The following VEPH1 variants were observed in gnomAD, a reference collection of about 807,000 sequenced individuals.
The protein encoded by VEPH1 is ventricular zone-expressed PH domain-containing protein homolog 1.
A neutral mutation model predicts 85.2 loss-of-function variants in VEPH1; 80 were observed. The observed-to-expected ratio is 0.94, with a 90% CI of 0.78 to 1.13. The LOEUF is 1.13. Among genes scored for constraint, VEPH1 ranks in the 50% most tolerant of loss-of-function variants. VEPH1 has a pLI of 0.00. For synonymous variants in VEPH1, 297 were observed against 348.0 expected, an observed-to-expected ratio of 0.85 and a Z score of 1.63; for missense variants, 955 against 980.5, an observed-to-expected ratio of 0.97 and a Z score of 0.35.
chr3:157,336,477 G>A (rs746773868), intron 9 of VEPH1, among the ~76,000 whole-genome samples: 3 of 152,154 alleles, frequency 2.0e-5, no homozygotes, highest in African/African-American at 2.4e-5. Flanking sequence ...ACTGCTTACC[G>A]CTAGTTCAGT....
chr3:157,467,110 AGTGTGTGTGTGTGTAT>A (rs1031117131), intron 3 of VEPH1, among the ~76,000 whole-genome samples: 6 of 113,950 alleles, frequency 5.3e-5, no homozygotes, highest in Non-Finnish European at 8.9e-5. Context: ...CAAAAAGAAA[AGTGTGTGTGTGTGTAT>A]GTGTGTGTGT....
At chr3:157,355,291 G>A (rs1429488259) in intron 9 of VEPH1, among the ~76,000 whole-genome samples, 1 of 152,236 alleles carries the variant, frequency 6.6e-6, no homozygotes, top group African/African-American at 2.4e-5. Flanking sequence ...GCCTACAGCA[G>A]CGTGCCTGGT....
At chr3:157,453,735 A>G (rs1448030632) in intron 4 of VEPH1, among the ~76,000 whole-genome samples, 2 of 152,184 alleles carry the variant, frequency 1.3e-5, no homozygotes, top group Non-Finnish European at 2.9e-5. Context: ...AAAACTTACT[A>G]ATCAGAGAGA....
rs572143901 is a variant in VEPH1, at chr3:157,462,237, C to A, written c.355-1882G>T. On this transcript the variant is annotated intron_variant, in intron 3 of 13. Transcript: ENST00000362010. Reference sequence around the variant, plus strand: ...TCAATTTCATTAATTTTTAATTTTGCTCTGGGTTCTGATTACAGGGTTGTA... The same window carrying A: ...TCAATTTCATTAATTTTTAATTTTGATCTGGGTTCTGATTACAGGGTTGTA... 1.1e-4 allele frequency among the ~76,000 whole-genome samples: 16 copies of A among 151,926 alleles called. 2 individuals are homozygous for A. In the South Asian group the frequency reaches 3.1e-3, roughly 30 times the overall value.
At chr3:157,363,060 C>G (rs1396108587) in intron 9 of VEPH1, among the ~76,000 whole-genome samples, 1 of 152,060 alleles carries the variant, frequency 6.6e-6, no homozygotes, top group East Asian at 1.9e-4. Context: ...GGTCACAGAC[C>G]TCTTTCCAGG....
intron 4 of VEPH1, among the ~76,000 whole-genome samples, chr3:157,437,299 C>A (rs1733675912): frequency 6.6e-6 from 1 of 152,120 alleles, no homozygotes; most frequent in African/African-American, 2.4e-5. Context: ...ACATAACCGG[C>A]GATTTCATAG....
chr3:157,473,792 G>T (rs1050692142), intron 2 of VEPH1, among the ~76,000 whole-genome samples: 1 of 152,020 alleles, frequency 6.6e-6, no homozygotes, highest in Non-Finnish European at 1.5e-5. Context: ...TATTAAAGAG[G>T]TATCAGTCTA....
At position 157,460,257 on chromosome 3, in the gene VEPH1, G is replaced by A. The variant is rs138491831; in HGVS notation, c.453C>T (p.Tyr151=). The change falls in exon 4 of 14, where the codon TAC becomes TAT. Residue 151 remains tyrosine (Y), a synonymous_variant. Transcript: ENST00000362010. The stretch of plus-strand genomic sequence containing the variant: ...CCTTGGTAATTGCAGCCAGAGACAG[G>A]TAGTTAGACATATTCCTGCACAGTT... ...NKELCRNMSN[Y]LSLAAITKAD... is the part of the protein sequence containing the mutation. The A allele has an allele frequency of 5.1e-4, 820 of 1,614,170 alleles. No homozygotes were observed. The highest frequency in any genetic ancestry group is 6.2e-4 in the Non-Finnish European group (737 of 1,180,022).
intron 2 of VEPH1, among the ~76,000 whole-genome samples, chr3:157,476,963 G>T (rs1473806034): frequency 6.6e-6 from 1 of 152,214 alleles, no homozygotes; most frequent in Non-Finnish European, 1.5e-5. Context: ...AAGCAACTTA[G>T]ATTAATAGAG....
chr3:157,303,962 C>G (rs921621428), intron 11 of VEPH1, among the ~76,000 whole-genome samples: 1 of 147,052 alleles, frequency 6.8e-6, no homozygotes, highest in African/African-American at 2.5e-5. Context: ...GGAGACTGAC[C>G]TTCCACAGCA....
intron 2 of VEPH1, among the ~76,000 whole-genome samples, chr3:157,476,836 T>A (rs1649928896): frequency 6.6e-6 from 1 of 152,198 alleles, no homozygotes; most frequent in Non-Finnish European, 1.5e-5. Context: ...TATCTCTTGG[T>A]ACTCCCTTGC....
intron 3 of VEPH1, among the ~76,000 whole-genome samples, chr3:157,463,878 G>A (rs1736118747): frequency 6.6e-6 from 1 of 152,096 alleles, no homozygotes; most frequent in East Asian, 1.9e-4. Context: ...AGATCCTGAG[G>A]GATATTTCAG....
chr3:157,487,971 AAG>A (rs1162487265), intron 2 of VEPH1, among the ~76,000 whole-genome samples: 1 of 152,182 alleles, frequency 6.6e-6, no homozygotes, highest in Non-Finnish European at 1.5e-5. Context: ...TTTAAATAAA[AAG>A]AGAGAAGGAT....
At chr3:157,354,329 A>C (rs1222206176) in intron 9 of VEPH1, among the ~76,000 whole-genome samples, 1 of 152,060 alleles carries the variant, frequency 6.6e-6, no homozygotes, top group East Asian at 1.9e-4. Flanking sequence ...GTATCTCCCC[A>C]CACATTCTTC....
At chr3:157,345,440 C>A (rs1440241194) in intron 9 of VEPH1, among the ~76,000 whole-genome samples, 2 of 152,198 alleles carry the variant, frequency 1.3e-5, no homozygotes, top group Non-Finnish European at 2.9e-5. Flanking sequence ...TGTTCATCAT[C>A]ACTGGCCATC....
chr3:157,286,477 G>C (rs558789377), intron 12 of VEPH1, 80 bp downstream of exon 12: 12 of 1,100,490 alleles, frequency 1.1e-5, no homozygotes, highest in Middle Eastern at 2.0e-4. Context: ...CAAGAGGAAG[G>C]CCACCTAGAA....
intron 11 of VEPH1, among the ~76,000 whole-genome samples, chr3:157,309,493 C>A (rs1021563986): frequency 6.6e-6 from 1 of 152,018 alleles, no homozygotes; most frequent in Non-Finnish European, 1.5e-5. Flanking sequence ...CTCATGGAAA[C>A]CCAGTCTAAT....
At position 157,356,252 on chromosome 3, in the gene VEPH1, C is replaced by G. The variant is rs201077003; in HGVS notation, c.1735+7112G>C. Among the ~76,000 whole-genome samples the G allele has an allele frequency of 9.3e-5, 14 of 151,124 alleles. No homozygotes were observed. In the East Asian group the frequency reaches 2.7e-3, roughly 29 times the overall value. Reference sequence around the variant, plus strand: ...AACAACAACAACAAAAAAACAAAACCCTGTGTTTTATAATTTTTCACCAGT... The same window carrying G: ...AACAACAACAACAAAAAAACAAAACGCTGTGTTTTATAATTTTTCACCAGT... On this transcript the variant is annotated intron_variant, in intron 9 of 13. Coordinates refer to ENST00000362010, the MANE Select transcript of VEPH1 (RefSeq NM_001167912.2).
At chr3:157,480,397 G>A (rs1478411106) in intron 2 of VEPH1, among the ~76,000 whole-genome samples, 1 of 152,060 alleles carries the variant, frequency 6.6e-6, no homozygotes, top group Non-Finnish European at 1.5e-5. Flanking sequence ...AAATTATGCT[G>A]TCACCCAGCT....
Sources: allele counts gnomAD v4.1 joint callset (sites outside exome capture counted in the v4.1 genomes callset), GRCh38; gene constraint gnomAD v4.1.1; transcripts MANE v1.5; gene names NCBI Gene and HGNC (gene_info 2026-07-23, HGNC 2026-07-21).